The following FBLN1 variants were observed in gnomAD, a reference collection of about 807,000 sequenced individuals.
FBLN1 encodes fibulin 1.
A neutral mutation model predicts 89.7 loss-of-function variants in FBLN1; 34 were observed. The observed-to-expected ratio is 0.38, with a 90% CI of 0.29 to 0.50. FBLN1 has a LOEUF of 0.50. FBLN1 is among the 20% of genes least tolerant of loss of function. The probability of loss-of-function intolerance (pLI) is 0.92; values close to 1 mark genes in which losing one functional copy is unlikely to be tolerated. For synonymous variants in FBLN1, 393 were observed against 391.3 expected, an observed-to-expected ratio of 1.00 and a Z score of -0.05; for missense variants, 777 against 988.1, an observed-to-expected ratio of 0.79 and a Z score of 2.86.
chr22:45,535,445 G>A (rs2088472363), intron 8 of FBLN1, 108 bp downstream of exon 8: 1 of 1,402,374 alleles, frequency 7.1e-7, no homozygotes. Context: ...ACAGAACAGG[G>A]GTTGGCAAAC....
rs2088988457 is a variant in FBLN1, at chr22:45,575,405, T to G, written c.1840+752T>G. On this transcript the variant is annotated intron_variant, in intron 15 of 16. Transcript: ENST00000327858. The surrounding 1 kb of genome is among the most constrained non-coding windows in gnomAD (Gnocchi z 6.3). Reference sequence around the variant, plus strand: ...GGGGCGGTGTGGGCGTTTGAGAAACTGAGCCAAGGTTTTCTGCTGGAGCGC... The same window carrying G: ...GGGGCGGTGTGGGCGTTTGAGAAACGGAGCCAAGGTTTTCTGCTGGAGCGC... Among the ~76,000 whole-genome samples the G allele has an allele frequency of 6.6e-6, 1 of 152,066 alleles. No homozygotes were observed. Among genetic ancestry groups the G allele is most frequent in the East Asian group, 1.9e-4 (1 of 5,164 alleles).
At chr22:45,564,807 AAC>A (rs1207314591) in intron 14 of FBLN1, 1 of 1,577,942 alleles carries the variant, frequency 6.3e-7, no homozygotes, top group Non-Finnish European at 8.7e-7. Flanking sequence ...CTGTTCAGGG[AAC>A]AGATGACTCT....
rs1373234999 is a variant in FBLN1, at chr22:45,536,026, T to C, written c.922+689T>C. Among the ~76,000 whole-genome samples, 2 of 152,198 alleles carry C rather than the reference T, an allele frequency of 1.3e-5. No homozygotes were observed. Among genetic ancestry groups the C allele is most frequent in the Admixed American group, 1.3e-4 (2 of 15,290 alleles). On this transcript the variant is annotated intron_variant, in intron 8 of 16. Coordinates refer to ENST00000327858, the MANE Select transcript of FBLN1 (RefSeq NM_006486.3). The surrounding 1 kb of genome is among the most constrained non-coding windows in gnomAD (Gnocchi z 5.1). ...AGCGAGACCCCATCACTACAAAAAA[T>C]TAGCTGGGTGTAGTGGCGCATGCCT...
intron 2 of FBLN1, among the ~76,000 whole-genome samples, chr22:45,520,448 G>A (rs1191674465): frequency 4.0e-5 from 6 of 149,496 alleles, no homozygotes; most frequent in African/African-American, 1.5e-4. Flanking sequence ...CCTGCTCACC[G>A]CTTCCTCGAA....
Position 45,566,716 on chromosome 22 carries a change from G to A in FBLN1, c.1698-7795G>A, listed in dbSNP as rs945788004. Among the ~76,000 whole-genome samples, 41 of 152,296 alleles carry A rather than the reference G, an allele frequency of 2.7e-4. 1 individual carries two copies. Among genetic ancestry groups the A allele is most frequent in the South Asian group, 1.9e-3 (9 of 4,816 alleles). Reference sequence around the variant, plus strand: ...TTCATTGGAAGGTAACTGGGTGTTCGTGTGGCTTTTCATTGAAATGGGGAT... The same window carrying A: ...TTCATTGGAAGGTAACTGGGTGTTCATGTGGCTTTTCATTGAAATGGGGAT... On this transcript the variant is annotated intron_variant, in intron 14 of 16. Coordinates refer to ENST00000327858, the MANE Select transcript of FBLN1 (RefSeq NM_006486.3).
chr22:45,574,823 C>A lies in FBLN1; in HGVS notation c.1840+170C>A, dbSNP rs2088981386. ...TTGAGACGGAGTCTCGCTCTGTCGCCCGGGCTGGAGTGCAGTGGTGCCATC... is the reference window on the plus strand; with the variant it reads ...TTGAGACGGAGTCTCGCTCTGTCGCACGGGCTGGAGTGCAGTGGTGCCATC... On this transcript the variant is annotated intron_variant, in intron 15 of 16. Transcript: ENST00000327858. The surrounding 1 kb of genome is among the most constrained non-coding windows in gnomAD (Gnocchi z 4.1). Among the ~76,000 whole-genome samples, 1 of 150,040 alleles carries A rather than the reference C, an allele frequency of 6.7e-6. No individual in the cohort carries two copies. The highest frequency in any genetic ancestry group is 2.5e-5 in the African/African-American group (1 of 40,642).
intron 16 of FBLN1, among the ~76,000 whole-genome samples, chr22:45,598,161 G>T (rs1246964832): frequency 2.0e-5 from 3 of 152,330 alleles, no homozygotes; most frequent in Admixed American, 1.3e-4. Context: ...GAAGCTGCAG[G>T]CTCCATATTC....
chr22:45,542,430 G>C, intron 10 of FBLN1, 147 bp downstream of exon 10: 1 of 1,186,216 alleles, frequency 8.4e-7, no homozygotes, highest in African/African-American at 1.5e-5. Flanking sequence ...CCTGAGTCAG[G>C]AGACCCCATT....
chr22:45,534,579 G>C (rs1008865280), intron 7 of FBLN1, among the ~76,000 whole-genome samples: 1 of 152,194 alleles, frequency 6.6e-6, no homozygotes, highest in Non-Finnish European at 1.5e-5. Context: ...GTCACTCACT[G>C]TATCATGAGA....
rs751954214 is a variant in FBLN1 at position 45,600,380 on chromosome 22, C to A, written c.2046C>A (p.Val682=). 6.2e-7 allele frequency: 1 copy of A among 1,614,102 alleles called. No homozygotes were observed. Among genetic ancestry groups the A allele is most frequent in the Admixed American group, 1.7e-5 (1 of 60,022 alleles). Residue 682 remains valine (V), a synonymous_variant, in exon 17 of 17, where the codon GTC becomes GTA. Transcript: ENST00000327858. ...TGAAGCTGGAGATGAACTATGTGGT[C>A]GGGGGCGTGGTCTCCCACCGAAATG... ...AVLKLEMNYV[V]GGVVSHRNVV...
chr22:45,550,943 TC>T lies in FBLN1; in HGVS notation c.1697+329del. 1 of 425,348 alleles carries T rather than the reference TC, an allele frequency of 2.4e-6. No individual in the cohort carries two copies. The highest frequency in any genetic ancestry group is 2.1e-5 in the South Asian group (1 of 46,686). 26.3% of individuals were successfully genotyped at this position (425,348 alleles called of 1,614,324 possible). A position where few individuals can be genotyped will look rare whatever the true frequency, so the allele number is the denominator to read the frequency against. Reference sequence around the variant, plus strand: ...AGCTCTCTGGGCCTCAGTTTCCTCATCTGTAACATGCAGATGTCAGAACGTG... The same window carrying T: ...AGCTCTCTGGGCCTCAGTTTCCTCATTGTAACATGCAGATGTCAGAACGTG... On this transcript the variant is annotated intron_variant, in intron 14 of 16. Transcript: ENST00000327858. This position sits in a 1 kb window ranked among gnomAD's most constrained non-coding sequence, Gnocchi z 8.4.
At position 45,549,021 on chromosome 22, in the gene FBLN1, C is replaced by T. The variant is rs756503744; in HGVS notation, c.1573+277C>T. On this transcript the variant is annotated intron_variant, in intron 13 of 16. Transcript: ENST00000327858. The surrounding 1 kb of genome is among the most constrained non-coding windows in gnomAD (Gnocchi z 5.7). ...AGGAACACTTCAGCCCTCCTCCCCTCCCCTCAGCAGCCCCGTAAAGGCTGG... is the reference window on the plus strand; with the variant it reads ...AGGAACACTTCAGCCCTCCTCCCCTTCCCTCAGCAGCCCCGTAAAGGCTGG... 4.9e-4 allele frequency among the ~76,000 whole-genome samples: 75 copies of T among 152,204 alleles called. No individual in the cohort carries two copies. Among genetic ancestry groups the T allele is most frequent in the Admixed American group, 9.8e-4 (15 of 15,274 alleles).
At position 45,590,405 on chromosome 22, in the gene FBLN1, T is replaced by C. The variant is rs920265049; in HGVS notation, c.1973-9902T>C. On this transcript the variant is annotated intron_variant, in intron 16 of 16. Coordinates refer to ENST00000327858, the MANE Select transcript of FBLN1 (RefSeq NM_006486.3). The surrounding 1 kb of genome is among the most constrained non-coding windows in gnomAD (Gnocchi z 4.1). Reference sequence around the variant, plus strand: ...CCTCACCTTGGGGGATTGCAAGGGGTTCAGTGTGGCTGGGGCAGTGTGCTG... The same window carrying C: ...CCTCACCTTGGGGGATTGCAAGGGGCTCAGTGTGGCTGGGGCAGTGTGCTG... 3.3e-5 allele frequency among the ~76,000 whole-genome samples: 5 copies of C among 152,108 alleles called. No homozygotes were observed. Among genetic ancestry groups the C allele is most frequent in the Non-Finnish European group, 7.4e-5 (5 of 68,010 alleles).
In FBLN1 at chr22:45,542,968, T is replaced by C. The variant is rs2088577117; in HGVS notation, c.1196-433T>C. ...GACAAGTCACTTTGCATTCCTTGTC[T>C]GAGAAATGAGGCTGGAGGCCAGGCG... On this transcript the variant is annotated intron_variant, in intron 10 of 16. Coordinates refer to ENST00000327858, the MANE Select transcript of FBLN1 (RefSeq NM_006486.3). Among the ~76,000 whole-genome samples the C allele has an allele frequency of 2.0e-5, 3 of 152,212 alleles. No individual in the cohort carries two copies. The South Asian group carries it at 6.2e-4, about 31-fold the overall frequency.
At chr22:45,552,688 TTC>T (rs1218149473) in intron 14 of FBLN1, among the ~76,000 whole-genome samples, 1 of 152,118 alleles carries the variant, frequency 6.6e-6, no homozygotes, top group Non-Finnish European at 1.5e-5. Context: ...TGCTGTGCCT[TTC>T]TCTCTCTCTC....
chr22:45,577,077 C>T lies in FBLN1; in HGVS notation c.1941C>T (p.Ile647=), dbSNP rs2089003758. 2 of 1,614,162 alleles carry T rather than the reference C, an allele frequency of 1.2e-6. No homozygotes were observed. The highest frequency in any genetic ancestry group is 2.2e-5 in the South Asian group (2 of 91,086). The change falls in exon 16 of 17, where the codon ATC becomes ATT. Residue 647 remains isoleucine, a synonymous_variant. Transcript: ENST00000327858. The surrounding 1 kb of genome is among the most constrained non-coding windows in gnomAD (Gnocchi z 6.6). ...TEGNLRDSFD[I]IKRYMDGMTV... is the part of the protein sequence containing the mutation. ...GGAACCTGCGGGACTCTTTTGACAT[C>T]ATCAAGCGTTACATGGACGGCATGA...
In FBLN1 at chr22:45,577,061, G is replaced by A. The variant is rs143377110; in HGVS notation, c.1925G>A (p.Arg642Gln). The A allele has an allele frequency of 8.1e-6, 13 of 1,614,004 alleles. No homozygotes were observed. Among genetic ancestry groups the A allele is most frequent in the South Asian group, 5.5e-5 (5 of 91,088 alleles). Residue 642 changes from arginine (R) to glutamine (Q), a missense_variant, in exon 16 of 17, where the codon CGG becomes CAG. Physicochemically the swap from Arg to Gln is conservative, Grantham distance 43. Coordinates refer to ENST00000327858, the MANE Select transcript of FBLN1 (RefSeq NM_006486.3). The surrounding 1 kb of genome is among the most constrained non-coding windows in gnomAD (Gnocchi z 6.6). The stretch of plus-strand genomic sequence containing the variant: ...TTCGACATCACGGAAGGGAACCTGC[G>A]GGACTCTTTTGACATCATCAAGCGT... ...IIFDITEGNL[R>Q]DSFDIIKRYM...
At position 45,590,527 on chromosome 22, in the gene FBLN1, C is replaced by T. The variant is rs1170451585; in HGVS notation, c.1973-9780C>T. On this transcript the variant is annotated intron_variant, in intron 16 of 16. Transcript: ENST00000327858. The surrounding 1 kb of genome is among the most constrained non-coding windows in gnomAD (Gnocchi z 4.1). ...GGGTGAGAAGAGCCCCCTGCAGAGC[C>T]ACAGTGGGCCCCCACGGTTGGATTT... Among the ~76,000 whole-genome samples, 1 of 152,142 alleles carries T rather than the reference C, an allele frequency of 6.6e-6. No individual in the cohort carries two copies. Among genetic ancestry groups the T allele is most frequent in the Non-Finnish European group, 1.5e-5 (1 of 68,020 alleles).
chr22:45,570,024 TAAAC>T (rs1393717546), intron 14 of FBLN1, among the ~76,000 whole-genome samples: 4 of 150,892 alleles, frequency 2.7e-5, no homozygotes, highest in South Asian at 2.1e-4. Context: ...GTTAAGAAAA[TAAAC>T]AAAACATAGA....
Sources: gnomAD v4.1 joint callset for allele counts (sites outside exome capture counted in the v4.1 genomes callset) on GRCh38, gnomAD v4.1.1 for gene constraint, Gnocchi (gnomAD v3.1) non-coding constraint, MANE v1.5 for transcripts, NCBI Gene and HGNC (gene_info 2026-07-23, HGNC 2026-07-21) for gene names.